NAV2: variants seen among roughly 807,000 people sequenced by gnomAD.
NAV2 encodes the protein neuron navigator 2.
In NAV2, 54 loss-of-function variants were observed where a neutral mutation model predicts 223.2. That is an observed-to-expected ratio of 0.24 (90% CI 0.19 to 0.30). The LOEUF (loss-of-function observed/expected upper bound fraction) is 0.30. NAV2 is among the 10% of genes least tolerant of loss of function. NAV2 has a pLI of 1.00. For missense variants in NAV2, 2,806 were observed against 3,147.5 expected (o/e 0.89, Z 2.60); for synonymous variants, 1,279 against 1,239.3 (o/e 1.03, Z -0.67).
chr11:19,933,112 C>T lies in NAV2; in HGVS notation c.932-64C>T, dbSNP rs1302298069. On this transcript the variant is annotated intron_variant, in intron 6 of 37. Transcript: ENST00000349880. The surrounding 1 kb of genome is among the most constrained non-coding windows in gnomAD (Gnocchi z 4.3). ...GATTGGTTGTGTGGCCATGGCTGAC[C>T]CTCCCTGGTCTTCAGTGCAGGTCAA... is the stretch of plus-strand genomic sequence containing the variant. 2.0e-6 allele frequency: 3 copies of T among 1,463,876 alleles called. No individual in the cohort carries two copies. The highest frequency in any genetic ancestry group is 1.4e-5 in the African/African-American group (1 of 70,796). 90.7% of individuals were successfully genotyped at this position (1,463,876 alleles called of 1,614,324 possible).
intron 36 of NAV2, among the ~76,000 whole-genome samples, 199 bp downstream of exon 36, chr11:20,107,981 C>G (rs2062289778): frequency 6.6e-6 from 1 of 151,996 alleles, no homozygotes; most frequent in Non-Finnish European, 1.5e-5. Flanking sequence ...GCATTGTGAC[C>G]CCAGGCCAGC....
upstream of NAV2, among the ~76,000 whole-genome samples, chr11:19,346,417 G>A (rs1404288679): frequency 6.6e-6 from 1 of 152,184 alleles, no homozygotes; most frequent in Non-Finnish European, 1.5e-5. Flanking sequence ...GCTCTCCCAC[G>A]CTCCGGTTAG....
intron 24 of NAV2, among the ~76,000 whole-genome samples, chr11:20,079,404 TG>T (rs1244581960): frequency 2.6e-5 from 4 of 152,158 alleles, no homozygotes; most frequent in African/African-American, 9.7e-5. Flanking sequence ...CCTGATGAGT[TG>T]GTTTGACCCT....
intron 1 of NAV2, among the ~76,000 whole-genome samples, chr11:19,775,800 G>A (rs1470015989): frequency 6.6e-6 from 1 of 152,164 alleles, no homozygotes; most frequent in Admixed American, 6.5e-5. Flanking sequence ...ACTATCACGT[G>A]CAAAGGTCCT....
intron 1 of NAV2, among the ~76,000 whole-genome samples, chr11:19,595,505 CA>C (rs1303549846): frequency 3.3e-5 from 5 of 152,094 alleles, no homozygotes; most frequent in African/African-American, 1.2e-4. Flanking sequence ...AGGGGTTTTA[CA>C]ACTTGATCAA....
intron 1 of NAV2, among the ~76,000 whole-genome samples, chr11:19,499,966 C>CTATA (rs531848653): frequency 5.7e-4 from 87 of 151,678 alleles, no homozygotes; most frequent in Middle Eastern, 6.8e-3. Flanking sequence ...GGCCCTGATT[C>CTATA]TATATATATA....
At chr11:20,113,309 T>A (rs569272774) in intron 36 of NAV2, among the ~76,000 whole-genome samples, 6 of 152,236 alleles carry the variant, frequency 3.9e-5, no homozygotes, top group Non-Finnish European at 7.4e-5. Context: ...CTGGAAGATG[T>A]GGTGGTGTTA....
chr11:19,884,892 G>C (rs571453252), intron 5 of NAV2, among the ~76,000 whole-genome samples: 1 of 152,242 alleles, frequency 6.6e-6, no homozygotes, highest in South Asian at 2.1e-4. Flanking sequence ...AAAACAGCAA[G>C]GCAGCTATGT....
intron 1 of NAV2, among the ~76,000 whole-genome samples, chr11:19,468,453 A>G (rs1183233270): frequency 6.6e-6 from 1 of 152,012 alleles, no homozygotes; most frequent in Non-Finnish European, 1.5e-5. Flanking sequence ...TTGTGACAAC[A>G]TCACTCTGAT....
At chr11:19,467,258 G>A (rs1852400462) in intron 1 of NAV2, among the ~76,000 whole-genome samples, 1 of 151,992 alleles carries the variant, frequency 6.6e-6, no homozygotes, top group South Asian at 2.1e-4. Context: ...AGTCAATAAG[G>A]CATATTTCTT....
rs781212551 is a variant in NAV2, at chr11:20,054,258, A to C, written c.4642+18A>C. 1 of 1,602,278 alleles carries C rather than the reference A, an allele frequency of 6.2e-7. No individual in the cohort carries two copies. The highest frequency in any genetic ancestry group is 1.1e-5 in the South Asian group (1 of 88,684). ...CCAGCTTGGTGAGTAGCCACTTGTC[A>C]TTACCTATGTTGATCAGCTCCACAG... is the stretch of plus-strand genomic sequence containing the variant. On this transcript the variant is annotated intron_variant, in intron 18 of 37. Transcript: ENST00000349880.
At chr11:19,868,027 A>G (rs972206530) in intron 3 of NAV2, among the ~76,000 whole-genome samples, 1 of 152,100 alleles carries the variant, frequency 6.6e-6, no homozygotes, top group African/African-American at 2.4e-5. Context: ...AATAAATTCC[A>G]TGGGTTAAAT....
At chr11:19,538,367 G>A (rs910001811) in intron 1 of NAV2, among the ~76,000 whole-genome samples, 5 of 152,064 alleles carry the variant, frequency 3.3e-5, no homozygotes, top group Non-Finnish European at 7.4e-5. Flanking sequence ...TTGAGACAGG[G>A]TCTTGCTCTT....
At chr11:19,551,135 C>G (rs1014428935) in intron 1 of NAV2, among the ~76,000 whole-genome samples, 1 of 152,274 alleles carries the variant, frequency 6.6e-6, no homozygotes, top group South Asian at 2.1e-4. Context: ...TGCATGCTGT[C>G]CTGGGGGAAG....
Position 19,631,674 on chromosome 11 carries a change from G to C in NAV2, c.76-200810G>C, listed in dbSNP as rs998675546. ...TAAGGAGAGACTTGCATTCAAAGCT[G>C]ATGAAAGCAAACCCCCGGCACTGAG... On this transcript the variant is annotated intron_variant, in intron 1 of 37. Transcript: ENST00000360655. Among the ~76,000 whole-genome samples, 67 of 152,204 alleles carry C rather than the reference G, an allele frequency of 4.4e-4. 1 individual carries two copies. Among genetic ancestry groups the C allele is most frequent in the African/African-American group, 1.5e-3 (63 of 41,456 alleles).
chr11:20,005,374 C>A lies in NAV2; in HGVS notation c.2768+21127C>A, dbSNP rs538197807. 4.8e-3 allele frequency among the ~76,000 whole-genome samples: 727 copies of A among 151,490 alleles called. 3 individuals carry two copies. The highest frequency in any genetic ancestry group is 0.017 in the African/African-American group (702 of 41,266). ...AATTCTCCTCTCTCAACCTCCTGAG[C>A]AGCTGGGACTACAGGCGTCTGCCAC... On this transcript the variant is annotated intron_variant, in intron 11 of 37. Coordinates refer to ENST00000349880, the MANE Select transcript of NAV2 (RefSeq NM_145117.5).
chr11:19,490,251 T>A (rs2042580648), intron 1 of NAV2, among the ~76,000 whole-genome samples: 1 of 152,184 alleles, frequency 6.6e-6, no homozygotes, highest in Non-Finnish European at 1.5e-5. Context: ...CTGTGGCAAT[T>A]TCTTAAAATA....
In NAV2 at chr11:19,927,713, C is replaced by CAAAAA. The variant is rs150124143; in HGVS notation, c.932-5459_932-5455dup. Reference sequence around the variant, plus strand: ...TAAAACAAAACAAAACAAAACAAAACAAAAAAAACCTGTTTAAGGGCTCTG... The same window carrying CAAAAA: ...TAAAACAAAACAAAACAAAACAAAACAAAAAAAAAAAAACCTGTTTAAGGGCTCTG... On this transcript the variant is annotated intron_variant, in intron 6 of 37. Transcript: ENST00000349880. 3.3e-5 allele frequency among the ~76,000 whole-genome samples: 5 copies of CAAAAA among 151,582 alleles called. No homozygotes were observed. In the East Asian group the frequency reaches 9.7e-4, roughly 29 times the overall value.
chr11:19,362,191 G>A (rs1313075006), intron 1 of NAV2, among the ~76,000 whole-genome samples: 1 of 152,202 alleles, frequency 6.6e-6, no homozygotes, highest in Non-Finnish European at 1.5e-5. Flanking sequence ...ACTCAGAGAA[G>A]TTAGGTAACT....
Sources: gnomAD v4.1 joint callset for allele counts (sites outside exome capture counted in the v4.1 genomes callset) on GRCh38, gnomAD v4.1.1 for gene constraint, Gnocchi (gnomAD v3.1) non-coding constraint, MANE v1.5 for transcripts, NCBI Gene and HGNC (gene_info 2026-07-23, HGNC 2026-07-21) for gene names.